Variants in KCNJ6 observed in about 807,000 individuals in gnomAD.
KCNJ6 encodes the protein potassium inwardly rectifying channel subfamily J member 6.
KCNJ6 carries 9 observed loss-of-function variants against 34.2 expected under a neutral mutation model. That is an observed-to-expected ratio of 0.26 (90% confidence interval 0.16 to 0.46). The LOEUF is 0.46. Ranked by LOEUF, KCNJ6 falls within the 20% of genes least tolerant of loss-of-function variation. KCNJ6 has a pLI of 1.00. For synonymous variants in KCNJ6, 196 were observed against 207.1 expected, an observed-to-expected ratio of 0.95 and a Z score of 0.46; for missense variants, 236 against 531.3, an observed-to-expected ratio of 0.44 and a Z score of 5.46.
At position 37,623,941 on chromosome 21, in the gene KCNJ6, C is replaced by T. The variant is rs2054299679; in HGVS notation, c.*1218G>A. On this transcript the variant is annotated 3_prime_UTR_variant, in exon 4 of 4. Coordinates refer to ENST00000609713, the MANE Select transcript of KCNJ6 (RefSeq NM_002240.5). ...TGATTATAATGCATGCCACTCACTA[C>T]ATGCCTTTGTGAATTTCACGGCTTT... The T allele has an allele frequency of 6.6e-6, 1 of 152,222 alleles. No individual in the cohort carries two copies. The highest frequency in any genetic ancestry group is 2.4e-5 in the African/African-American group (1 of 41,456). The allele number at this position is 152,222 out of a possible 1,614,324, so 9.4% of individuals were successfully genotyped here.
chr21:37,853,835 C>CATATATATATTTATAT (rs1555850305), intron 1 of KCNJ6, among the ~76,000 whole-genome samples: 1 of 43,238 alleles, frequency 2.3e-5, no homozygotes. Flanking sequence ...TTAAGAGATA[C>CATATATATATTTATAT]ATATATATAT....
chr21:37,859,972 C>T (rs2055586643), intron 1 of KCNJ6, among the ~76,000 whole-genome samples: 1 of 152,034 alleles, frequency 6.6e-6, no homozygotes, highest in South Asian at 2.1e-4. Flanking sequence ...CCACCTTTAC[C>T]CTGCTGGTCC....
intron 3 of KCNJ6, among the ~76,000 whole-genome samples, chr21:37,708,012 C>T (rs539707156): frequency 1.3e-5 from 2 of 152,168 alleles, no homozygotes; most frequent in African/African-American, 4.8e-5. Context: ...TGTCCAATGG[C>T]TTTGAATTCC....
chr21:37,781,373 C>A (rs1214373505), intron 2 of KCNJ6, among the ~76,000 whole-genome samples: 1 of 152,076 alleles, frequency 6.6e-6, no homozygotes, highest in African/African-American at 2.4e-5. Context: ...CAGAGCCTGG[C>A]AGTGTTAGAT....
At chr21:37,793,244 G>C (rs557366396) in intron 2 of KCNJ6, among the ~76,000 whole-genome samples, 2 of 152,142 alleles carry the variant, frequency 1.3e-5, no homozygotes, top group Non-Finnish European at 2.9e-5. Flanking sequence ...GACAAAGCAG[G>C]TTATTTCATT....
intron 1 of KCNJ6, among the ~76,000 whole-genome samples, chr21:37,894,011 A>C (rs1372488431): frequency 6.6e-6 from 1 of 152,222 alleles, no homozygotes; most frequent in East Asian, 1.9e-4. Context: ...CTGTTAAATT[A>C]TGGTATAATC....
chr21:37,705,942 C>T (rs1486715546), intron 3 of KCNJ6, among the ~76,000 whole-genome samples: 1 of 22,734 alleles, frequency 4.4e-5, no homozygotes, highest in Non-Finnish European at 7.9e-5. Flanking sequence ...TAGCTTAACC[C>T]AACATAAGGT....
rs965003153 is a variant in KCNJ6 at position 37,916,417 on chromosome 21, C to G, written c.-561G>C. 1.1e-4 allele frequency: 16 copies of G among 152,306 alleles called. No individual in the cohort carries two copies. The highest frequency in any genetic ancestry group is 3.4e-3 in the Middle Eastern group (1 of 294). The allele number at this position is 152,306 out of a possible 1,614,324, so 9.4% of individuals were successfully genotyped here. On this transcript the variant is annotated 5_prime_UTR_variant, in exon 1 of 4. Coordinates refer to ENST00000609713, the MANE Select transcript of KCNJ6 (RefSeq NM_002240.5). ...CAATTCCAGCCGACTGGCTGAGCCC[C>G]GCTGGCAGCGCACGAAGCGACGCGG... is the stretch of plus-strand genomic sequence containing the variant.
chr21:37,746,823 T>C (rs764683043), intron 2 of KCNJ6, among the ~76,000 whole-genome samples: 2 of 152,244 alleles, frequency 1.3e-5, no homozygotes, highest in African/African-American at 2.4e-5. Flanking sequence ...CTACATACTC[T>C]GTAAATTGTC....
At chr21:37,659,761 C>A (rs189808058) in intron 3 of KCNJ6, among the ~76,000 whole-genome samples, 32 of 152,354 alleles carry the variant, frequency 2.1e-4, no homozygotes, top group Non-Finnish European at 1.9e-4. Context: ...ATGACTCTTT[C>A]TAACGTTTGC....
chr21:37,677,233 C>T (rs531027409), intron 3 of KCNJ6, among the ~76,000 whole-genome samples: 80 of 152,126 alleles, frequency 5.3e-4, no homozygotes, highest in Non-Finnish European at 9.4e-4. Flanking sequence ...GAGAGGACTC[C>T]GGTACACAGC....
chr21:37,812,383 T>A lies in KCNJ6; in HGVS notation c.25+28275A>T, dbSNP rs555574676. On this transcript the variant is annotated intron_variant, in intron 2 of 3. Transcript: ENST00000609713. ...AGCTGAGAAAAGAAAAGTGGCCATC[T>A]AATCTGGCACTAGAACTGGGAATTT... Among the ~76,000 whole-genome samples, 8 of 152,318 alleles carry A rather than the reference T, an allele frequency of 5.3e-5. No individual in the cohort carries two copies. In the South Asian group the frequency reaches 1.7e-3, roughly 32 times the overall value.
At chr21:37,880,258 G>A (rs1255586740) in intron 1 of KCNJ6, among the ~76,000 whole-genome samples, 3 of 152,152 alleles carry the variant, frequency 2.0e-5, no homozygotes, top group Admixed American at 6.6e-5. Context: ...GCAAGACTCC[G>A]TCTCAAAAAA....
intron 2 of KCNJ6, among the ~76,000 whole-genome samples, chr21:37,813,947 A>C (rs959740688): frequency 1.4e-4 from 20 of 142,692 alleles, no homozygotes; most frequent in Non-Finnish European, 1.6e-4. Context: ...GAAGGAAACA[A>C]TCAACAAAGT....
At chr21:37,671,150 G>C (rs945781607) in intron 3 of KCNJ6, among the ~76,000 whole-genome samples, 1 of 152,188 alleles carries the variant, frequency 6.6e-6, no homozygotes, top group Non-Finnish European at 1.5e-5. Flanking sequence ...GCTTCCGGGT[G>C]GGGGCTGGCC....
At chr21:37,713,851 T>C (rs1228911085) in intron 3 of KCNJ6, among the ~76,000 whole-genome samples, 3 of 152,162 alleles carry the variant, frequency 2.0e-5, no homozygotes, top group African/African-American at 7.2e-5. Context: ...TCCTTCTAAC[T>C]TGGTAACAAA....
chr21:37,722,959 C>T (rs1003572621), intron 2 of KCNJ6, among the ~76,000 whole-genome samples: 3 of 152,106 alleles, frequency 2.0e-5, no homozygotes, highest in Non-Finnish European at 4.4e-5. Context: ...ACTAAAGAGC[C>T]TCTGTACAGC....
intron 2 of KCNJ6, among the ~76,000 whole-genome samples, chr21:37,808,726 T>C (rs1048396428): frequency 6.6e-6 from 1 of 152,230 alleles, no homozygotes; most frequent in Non-Finnish European, 1.5e-5. Flanking sequence ...AAGCCACTCA[T>C]CCCTGGGACA....
At chr21:37,665,218 G>A (rs1214996553) in intron 3 of KCNJ6, among the ~76,000 whole-genome samples, 3 of 152,180 alleles carry the variant, frequency 2.0e-5, no homozygotes, top group Non-Finnish European at 4.4e-5. Flanking sequence ...CAGCAAGCAA[G>A]AGAAAGGTTC....
Sources: gnomAD v4.1 joint callset for allele counts (sites outside exome capture counted in the v4.1 genomes callset) on GRCh38, gnomAD v4.1.1 for gene constraint, MANE v1.5 for transcripts, NCBI Gene and HGNC (gene_info 2026-07-23, HGNC 2026-07-21) for gene names.